Variants in OR5AR1 observed in about 807,000 individuals in gnomAD.
OR5AR1 encodes olfactory receptor family 5 subfamily AR member 1.
In OR5AR1, 19 loss-of-function variants were observed where a neutral mutation model predicts 12.3. The ratio of observed to expected loss-of-function variants is 1.55; its 90% CI spans 1.08 to 2.27. The LOEUF is 2.27. OR5AR1 is among the 30% of genes most tolerant of loss of function. The probability of loss-of-function intolerance (pLI) is 0.00; values close to 1 mark genes in which losing one functional copy is unlikely to be tolerated. For missense variants in OR5AR1, 432 were observed against 378.4 expected (o/e 1.14, Z -1.18); for synonymous variants, 156 against 138.8 (o/e 1.12, Z -0.87).
chr11:56,664,059 C>T lies in OR5AR1; in HGVS notation c.374C>T (p.Ala125Val). Residue 125 changes from alanine (A) to valine (V), a missense_variant, in exon 1 of 1, where the codon GCC (alanine) becomes GTC (valine). By Grantham distance (64) the Ala-to-Val change is moderately conservative. Coordinates refer to ENST00000624596, the MANE Select transcript of OR5AR1 (RefSeq NM_001004730.1). ...GCCATGGCCTATGGTCGTTTTGTGGCCATTTGTCGACCCCTCCACTATAGC... is the reference window on the plus strand; with the variant it reads ...GCCATGGCCTATGGTCGTTTTGTGGTCATTTGTCGACCCCTCCACTATAGC... ...LAAMAYGRFV[A>V]ICRPLHYSTF... 1.2e-6 allele frequency: 2 copies of T among 1,613,798 alleles called. No individual in the cohort carries two copies. Among genetic ancestry groups the T allele is most frequent in the Non-Finnish European group, 1.7e-6 (2 of 1,179,916 alleles).
In OR5AR1 at chr11:56,663,928, G is replaced by A. The variant is rs1857211692; in HGVS notation, c.243G>A (p.Met81Ile). Residue 81 changes from methionine (M) to isoleucine (I), a missense_variant, in exon 1 of 1, where the codon ATG becomes ATA. Physicochemically the swap from Met to Ile is conservative, Grantham distance 10 (BLOSUM62 1). Transcript: ENST00000624596. ...LGYSSAIAPR[M>I]LADFLTNHKV... is the part of the protein sequence containing the mutation. ...ACTCCTCAGCCATTGCCCCCAGGATGCTGGCTGACTTCCTAACAAATCACA... is the reference window on the plus strand; with the variant it reads ...ACTCCTCAGCCATTGCCCCCAGGATACTGGCTGACTTCCTAACAAATCACA... 1 of 1,614,120 alleles carries A rather than the reference G, an allele frequency of 6.2e-7. No homozygotes were observed. The highest frequency in any genetic ancestry group is 2.2e-5 in the East Asian group (1 of 44,872).
chr11:56,663,718 G>A lies in OR5AR1; in HGVS notation c.33G>A (p.Glu11=), dbSNP rs778491441. 3.1e-6 allele frequency: 5 copies of A among 1,612,804 alleles called. No homozygotes were observed. The highest frequency in any genetic ancestry group is 4.2e-6 in the Non-Finnish European group (5 of 1,179,314). ...AAGAAAACAGCTCAATGGTGACTGA[G>A]TTTATCTTCATGGGCATCACCCAGG... The part of the protein sequence containing the change: MDKENSSMVT[E]FIFMGITQDP... The change falls in exon 1 of 1, where the codon GAG becomes GAA. Residue 11 remains glutamate (E), a synonymous_variant. Transcript: ENST00000624596.
Position 56,664,102 on chromosome 11 carries a change from G to A in OR5AR1, c.417G>A (p.Gln139=). The A allele has an allele frequency of 6.2e-7, 1 of 1,613,994 alleles. No homozygotes were observed. The highest frequency in any genetic ancestry group is 1.1e-5 in the South Asian group (1 of 91,066). Residue 139 remains glutamine, a synonymous_variant, in exon 1 of 1, where the codon CAG becomes CAA. Transcript: ENST00000624596. ...PLHYSTFMSK[Q]VCLALMLGSY... The stretch of plus-strand genomic sequence containing the variant: ...ACTATAGCACCTTCATGTCCAAGCA[G>A]GTCTGCTTGGCTCTCATGCTGGGCT...
In OR5AR1 at chr11:56,663,962, TC is replaced by T; in HGVS notation, c.279del (p.Phe94SerfsTer12). 4 of 1,614,110 alleles carry T rather than the reference TC, an allele frequency of 2.5e-6. No homozygotes were observed. The highest frequency in any genetic ancestry group is 3.4e-6 in the Non-Finnish European group (4 of 1,180,012). Reference sequence around the variant, plus strand: ...CTTCCTAACAAATCACAAAGTTATCTCCTTCTCCAGCTGTGCCACCCAGTTT... The same window carrying T: ...CTTCCTAACAAATCACAAAGTTATCTCTTCTCCAGCTGTGCCACCCAGTTT... ...ADFLTNHKVI[S>X]FSSCATQFAF... On this transcript the variant is annotated frameshift_variant, in exon 1 of 1. Coordinates refer to ENST00000624596, the MANE Select transcript of OR5AR1 (RefSeq NM_001004730.1). LOFTEE classifies it high-confidence loss of function.
chr11:56,663,762 T>C lies in OR5AR1; in HGVS notation c.77T>C (p.Ile26Thr). Reference protein sequence around the residue: ...GITQDPQMEIIFFVVFLIVYL... With the variant: ...GITQDPQMEITFFVVFLIVYL... Reference sequence around the variant, plus strand: ...ACCCAGGACCCTCAGATGGAGATCATCTTCTTCGTGGTCTTCCTCATAGTT... The same window carrying C: ...ACCCAGGACCCTCAGATGGAGATCACCTTCTTCGTGGTCTTCCTCATAGTT... Residue 26 changes from isoleucine (I) to threonine (T), a missense_variant, in exon 1 of 1, where the codon ATC becomes ACC. Ile to Thr is a moderately conservative substitution (Grantham distance 89). Coordinates refer to ENST00000624596, the MANE Select transcript of OR5AR1 (RefSeq NM_001004730.1). The C allele has an allele frequency of 3.7e-6, 6 of 1,613,726 alleles. No homozygotes were observed. Among genetic ancestry groups the C allele is most frequent in the Non-Finnish European group, 5.1e-6 (6 of 1,179,658 alleles).
rs761720643 is a variant in OR5AR1, at chr11:56,663,853, C to T, written c.168C>T (p.His56=). The T allele has an allele frequency of 3.7e-6, 6 of 1,613,926 alleles. No homozygotes were observed. Among genetic ancestry groups the T allele is most frequent in the Middle Eastern group, 1.6e-4 (1 of 6,084 alleles). Residue 56 remains histidine, a synonymous_variant, in exon 1 of 1, where the codon CAC becomes CAT. Coordinates refer to ENST00000624596, the MANE Select transcript of OR5AR1 (RefSeq NM_001004730.1). ...IILITTDTQL[H]TPMYFFLCNL... is the part of the protein sequence containing the mutation. ...TGATTACAACAGACACTCAGCTTCA[C>T]ACACCCATGTATTTTTTCCTCTGCA...
At position 56,663,871 on chromosome 11, in the gene OR5AR1, C is replaced by T; in HGVS notation, c.186C>T (p.Phe62=). Residue 62 remains phenylalanine, a synonymous_variant, in exon 1 of 1, where the codon TTC becomes TTT. Transcript: ENST00000624596. ...DTQLHTPMYF[F]LCNLSFVDLG... The stretch of plus-strand genomic sequence containing the variant: ...AGCTTCACACACCCATGTATTTTTT[C>T]CTCTGCAACCTCTCCTTTGTTGACC... 1.9e-6 allele frequency: 3 copies of T among 1,613,958 alleles called. No individual in the cohort carries two copies. Among genetic ancestry groups the T allele is most frequent in the Non-Finnish European group, 2.5e-6 (3 of 1,179,982 alleles).
rs1857208439 is a variant in OR5AR1 at position 56,663,759 on chromosome 11, T to G, written c.74T>G (p.Ile25Ser). ...MGITQDPQME[I>S]IFFVVFLIVY... ...ATCACCCAGGACCCTCAGATGGAGATCATCTTCTTCGTGGTCTTCCTCATA... is the reference window on the plus strand; with the variant it reads ...ATCACCCAGGACCCTCAGATGGAGAGCATCTTCTTCGTGGTCTTCCTCATA... Residue 25 changes from isoleucine to serine, a missense_variant, in exon 1 of 1, where the codon ATC (isoleucine) becomes AGC (serine). Coordinates refer to ENST00000624596, the MANE Select transcript of OR5AR1 (RefSeq NM_001004730.1). 6.2e-7 allele frequency: 1 copy of G among 1,613,432 alleles called. No individual in the cohort carries two copies. The highest frequency in any genetic ancestry group is 8.5e-7 in the Non-Finnish European group (1 of 1,179,438).
Position 56,663,961 on chromosome 11 carries a change from C to A in OR5AR1, c.276C>A (p.Ile92=). Residue 92 remains isoleucine, a synonymous_variant, in exon 1 of 1, where the codon ATC becomes ATA. Transcript: ENST00000624596. ...LADFLTNHKV[I]SFSSCATQFA... ...ACTTCCTAACAAATCACAAAGTTAT[C>A]TCCTTCTCCAGCTGTGCCACCCAGT... The A allele has an allele frequency of 5.0e-6, 8 of 1,614,114 alleles. No homozygotes were observed. The highest frequency in any genetic ancestry group is 1.3e-5 in the African/African-American group (1 of 75,040).
chr11:56,664,119 TGCTGG>T lies in OR5AR1; in HGVS notation c.438_442del (p.Gly147LeufsTer48), dbSNP rs760950473. Reference sequence around the variant, plus strand: ...TCCAAGCAGGTCTGCTTGGCTCTCATGCTGGGCTCTTACCTGGCTGGTCTAGTGAG... The same window carrying T: ...TCCAAGCAGGTCTGCTTGGCTCTCATGCTCTTACCTGGCTGGTCTAGTGAG... On this transcript the variant is annotated frameshift_variant, in exon 1 of 1. Coordinates refer to ENST00000624596, the MANE Select transcript of OR5AR1 (RefSeq NM_001004730.1). LOFTEE classifies it high-confidence loss of function. 2 of 1,614,016 alleles carry T rather than the reference TGCTGG, an allele frequency of 1.2e-6. No individual in the cohort carries two copies. The highest frequency in any genetic ancestry group is 1.7e-6 in the Non-Finnish European group (2 of 1,180,000).
rs766728062 is a variant in OR5AR1, at chr11:56,664,220, T to G, written c.535T>G (p.Cys179Gly). The change falls in exon 1 of 1, where the codon TGC (cysteine) becomes GGC (glycine). Residue 179 changes from cysteine (C) to glycine (G), a missense_variant. Physicochemically the swap from Cys to Gly is radical, Grantham distance 159. Transcript: ENST00000624596. ...CGSNIINHFF[C>G]EIPPLLALSC... ...TTCCAATATCATCAATCATTTCTTC[T>G]GCGAAATCCCACCACTCTTGGCCCT... 7 of 1,614,046 alleles carry G rather than the reference T, an allele frequency of 4.3e-6. No individual in the cohort carries two copies. The Admixed American group carries it at 8.3e-5, about 19-fold the overall frequency.
Position 56,663,974 on chromosome 11 carries a change from T to G in OR5AR1, c.289T>G (p.Cys97Gly). 1 of 1,614,110 alleles carries G rather than the reference T, an allele frequency of 6.2e-7. No individual in the cohort carries two copies. The highest frequency in any genetic ancestry group is 8.5e-7 in the Non-Finnish European group (1 of 1,180,024). Residue 97 changes from cysteine (C) to glycine (G), a missense_variant, in exon 1 of 1, where the codon TGT becomes GGT. Coordinates refer to ENST00000624596, the MANE Select transcript of OR5AR1 (RefSeq NM_001004730.1). ...TNHKVISFSS[C>G]ATQFAFFVGF... ...TCACAAAGTTATCTCCTTCTCCAGC[T>G]GTGCCACCCAGTTTGCTTTTTTTGT...
At position 56,664,615 on chromosome 11, in the gene OR5AR1, A is replaced by G; in HGVS notation, c.930A>G (p.Gln310=). 2 of 1,576,840 alleles carry G rather than the reference A, an allele frequency of 1.3e-6. No individual in the cohort carries two copies. The highest frequency in any genetic ancestry group is 1.4e-5 in the African/African-American group (1 of 73,888). Residue 310 remains glutamine (Q), a synonymous_variant, in exon 1 of 1, where the codon CAA becomes CAG. Coordinates refer to ENST00000624596, the MANE Select transcript of OR5AR1 (RefSeq NM_001004730.1). ...AFKKLIGKKS[Q] The stretch of plus-strand genomic sequence containing the variant: ...AAAAGCTAATTGGAAAAAAATCTCA[A>G]TAATAACACAAAATGAAAATCTGTT...
At position 56,664,045 on chromosome 11, in the gene OR5AR1, T is replaced by A. The variant is rs1379333717; in HGVS notation, c.360T>A (p.Tyr120Ter). 3.1e-6 allele frequency: 5 copies of A among 1,614,054 alleles called. No individual in the cohort carries two copies. The highest frequency in any genetic ancestry group is 4.2e-6 in the Non-Finnish European group (5 of 1,179,996). The change falls in exon 1 of 1, where the codon TAT (tyrosine) becomes TAA (stop). Residue 120 changes from tyrosine to a stop codon, truncating the protein, a stop_gained. Transcript: ENST00000624596. LOFTEE classifies it high-confidence loss of function. The part of the protein sequence containing the change: ...AECYVLAAMA[Y>*]GRFVAICRPL... ...GCTATGTCCTGGCAGCCATGGCCTATGGTCGTTTTGTGGCCATTTGTCGAC... is the reference window on the plus strand; with the variant it reads ...GCTATGTCCTGGCAGCCATGGCCTAAGGTCGTTTTGTGGCCATTTGTCGAC...
In OR5AR1 at chr11:56,664,522, G is replaced by T. The variant is rs61742850; in HGVS notation, c.837G>T (p.Thr279=). The change falls in exon 1 of 1, where the codon ACG becomes ACT. Residue 279 remains threonine, a synonymous_variant. Transcript: ENST00000624596. ...ACAAGTGGGCCTCTGTGTTCTACACGGTTATCATCCCCATGTTAAATCCCT... is the reference window on the plus strand; with the variant it reads ...ACAAGTGGGCCTCTGTGTTCTACACTGTTATCATCCCCATGTTAAATCCCT... ...DQDKWASVFY[T]VIIPMLNPLI... 1.1e-5 allele frequency: 17 copies of T among 1,613,836 alleles called. No homozygotes were observed. Among genetic ancestry groups the T allele is most frequent in the Non-Finnish European group, 1.4e-5 (16 of 1,179,970 alleles).
rs773642545 is a variant in OR5AR1, at chr11:56,664,210, T to G, written c.525T>G (p.Asn175Lys). The G allele has an allele frequency of 7.4e-6, 12 of 1,614,152 alleles. No individual in the cohort carries two copies. The South Asian group carries it at 1.3e-4, about 18-fold the overall frequency. ...SLSYCGSNII[N>K]HFFCEIPPLL... The stretch of plus-strand genomic sequence containing the variant: ...GTTACTGTGGTTCCAATATCATCAA[T>G]CATTTCTTCTGCGAAATCCCACCAC... The change falls in exon 1 of 1, where the codon AAT (asparagine) becomes AAG (lysine). Residue 175 changes from asparagine (N) to lysine (K), a missense_variant. Asn to Lys is a moderately conservative substitution (Grantham distance 94). Coordinates refer to ENST00000624596, the MANE Select transcript of OR5AR1 (RefSeq NM_001004730.1).
Position 56,663,872 on chromosome 11 carries a change from C to T in OR5AR1, c.187C>T (p.Leu63Phe), listed in dbSNP as rs751241986. Residue 63 changes from leucine to phenylalanine, a missense_variant, in exon 1 of 1, where the codon CTC becomes TTC. Leu to Phe is a conservative substitution (Grantham distance 22). Transcript: ENST00000624596. Reference sequence around the variant, plus strand: ...GCTTCACACACCCATGTATTTTTTCCTCTGCAACCTCTCCTTTGTTGACCT... The same window carrying T: ...GCTTCACACACCCATGTATTTTTTCTTCTGCAACCTCTCCTTTGTTGACCT... Reference protein sequence around the residue: ...TQLHTPMYFFLCNLSFVDLGY... With the variant: ...TQLHTPMYFFFCNLSFVDLGY... The T allele has an allele frequency of 1.9e-6, 3 of 1,613,942 alleles. No individual in the cohort carries two copies. Among genetic ancestry groups the T allele is most frequent in the Admixed American group, 1.7e-5 (1 of 59,982 alleles).
Position 56,663,792 on chromosome 11 carries a change from T to A in OR5AR1, c.107T>A (p.Leu36Gln), listed in dbSNP as rs1409901583. Residue 36 changes from leucine to glutamine, a missense_variant, in exon 1 of 1, where the codon CTG (leucine) becomes CAG (glutamine). Leu to Gln is a moderately radical substitution (Grantham distance 113). Transcript: ENST00000624596. ...IFFVVFLIVY[L>Q]VNVVGNIGMI... Reference sequence around the variant, plus strand: ...TTCGTGGTCTTCCTCATAGTTTACCTGGTTAATGTAGTGGGGAATATTGGT... The same window carrying A: ...TTCGTGGTCTTCCTCATAGTTTACCAGGTTAATGTAGTGGGGAATATTGGT... The A allele has an allele frequency of 6.2e-7, 1 of 1,613,526 alleles. No individual in the cohort carries two copies. The highest frequency in any genetic ancestry group is 1.1e-5 in the South Asian group (1 of 91,066).
At position 56,664,106 on chromosome 11, in the gene OR5AR1, T is replaced by G. The variant is rs763537494; in HGVS notation, c.421T>G (p.Cys141Gly). The G allele has an allele frequency of 7.4e-6, 12 of 1,614,132 alleles. No individual in the cohort carries two copies. Among genetic ancestry groups the G allele is most frequent in the Non-Finnish European group, 9.3e-6 (11 of 1,180,020 alleles). ...TAGCACCTTCATGTCCAAGCAGGTC[T>G]GCTTGGCTCTCATGCTGGGCTCTTA... Reference protein sequence around the residue: ...HYSTFMSKQVCLALMLGSYLA... With the variant: ...HYSTFMSKQVGLALMLGSYLA... Residue 141 changes from cysteine (C) to glycine (G), a missense_variant, in exon 1 of 1, where the codon TGC (cysteine) becomes GGC (glycine). Transcript: ENST00000624596.
Sources: allele counts gnomAD v4.1 joint callset, GRCh38; gene constraint gnomAD v4.1.1; transcripts MANE v1.5; gene names NCBI Gene and HGNC (gene_info 2026-07-23, HGNC 2026-07-21).